ARHGAP32: variants seen among roughly 807,000 people sequenced by gnomAD.
ARHGAP32 encodes Rho GTPase activating protein 32.
A neutral mutation model predicts 186.5 loss-of-function variants in ARHGAP32; 51 were observed. The ratio of observed to expected loss-of-function variants is 0.27; its 90% confidence interval spans 0.22 to 0.35. The LOEUF (loss-of-function observed/expected upper bound fraction) is 0.35. Among genes scored for constraint, ARHGAP32 ranks in the 10% least tolerant of loss-of-function variants. The pLI is 1.00. For missense variants in ARHGAP32, 2,186 were observed against 2,623.5 expected (o/e 0.83, Z 3.64); for synonymous variants, 950 against 964.3 (o/e 0.99, Z 0.27).
chr11:129,159,755 A>G (rs1943489828), intron 2 of ARHGAP32, among the ~76,000 whole-genome samples: 1 of 152,208 alleles, frequency 6.6e-6, no homozygotes, highest in Admixed American at 6.5e-5. Context: ...AAAACCTGGC[A>G]GAGACACAAC....
chr11:129,135,854 A>G (rs1942926040), intron 2 of ARHGAP32, among the ~76,000 whole-genome samples: 2 of 152,192 alleles, frequency 1.3e-5, no homozygotes, highest in South Asian at 4.1e-4. Flanking sequence ...ACCCAAACAT[A>G]AAAGGTTAAC....
At chr11:129,265,692 A>G (rs1471411095) in intron 1 of ARHGAP32, among the ~76,000 whole-genome samples, 1 of 152,194 alleles carries the variant, frequency 6.6e-6, no homozygotes, top group African/African-American at 2.4e-5. Flanking sequence ...AGATCAGTAC[A>G]AAGTAGGCAT....
Position 129,246,175 on chromosome 11 carries a change from T to C in ARHGAP32, c.-5+32971A>G, listed in dbSNP as rs139788306. On this transcript the variant is annotated intron_variant, in intron 1 of 6. Coordinates refer to the ARHGAP32 transcript ENST00000525234. ...CAGAGTCATCTTGAGCTTGGGGAAA[T>C]TGGTTCAAAGATCAGAAACTCATTT... 1.8e-3 allele frequency among the ~76,000 whole-genome samples: 268 copies of C among 152,242 alleles called. 1 individual carries two copies. Among genetic ancestry groups the C allele is most frequent in the African/African-American group, 6.1e-3 (255 of 41,564 alleles).
At chr11:128,981,335 TGCAA>T in intron 17 of ARHGAP32, 77 bp downstream of exon 17, 1 of 1,440,726 alleles carries the variant, frequency 6.9e-7, no homozygotes, top group Admixed American at 2.3e-5. Context: ...TTTTTGTTGT[TGCAA>T]TAAGAAATGC....
intron 1 of ARHGAP32, among the ~76,000 whole-genome samples, chr11:129,210,703 T>C (rs925785704): frequency 6.6e-6 from 1 of 152,226 alleles, no homozygotes; most frequent in Admixed American, 6.5e-5. Flanking sequence ...TCAGAGATTA[T>C]GCAATTAACC....
chr11:129,002,476 T>G (rs1299891161), intron 11 of ARHGAP32, among the ~76,000 whole-genome samples: 2 of 152,216 alleles, frequency 1.3e-5, no homozygotes, highest in Admixed American at 6.5e-5. Flanking sequence ...TTTTATCAGT[T>G]CAAATAGTTT....
At chr11:129,194,749 G>A (rs377372400), upstream of ARHGAP32, among the ~76,000 whole-genome samples, 25 of 150,692 alleles carry the variant, frequency 1.7e-4, no homozygotes, top group South Asian at 2.1e-4. Flanking sequence ...GTGAAACTCC[G>A]TCTCAAAAAA....
At chr11:129,275,722 T>C (rs1055492193) in intron 1 of ARHGAP32, among the ~76,000 whole-genome samples, 1 of 152,222 alleles carries the variant, frequency 6.6e-6, no homozygotes, top group African/African-American at 2.4e-5. Flanking sequence ...ACTGTGTTCC[T>C]ACAAAACTTT....
intron 1 of ARHGAP32, among the ~76,000 whole-genome samples, chr11:129,267,968 G>A (rs1360098546): frequency 4.6e-5 from 7 of 152,052 alleles, no homozygotes; most frequent in Non-Finnish European, 1.0e-4. Context: ...CCCCACCCAC[G>A]GAAGGCATTA....
intron 2 of ARHGAP32, among the ~76,000 whole-genome samples, chr11:129,130,418 C>CA (rs1009161065): frequency 6.7e-6 from 1 of 149,812 alleles, no homozygotes; most frequent in Admixed American, 6.6e-5. Context: ...TAGCAAGAAG[C>CA]AAAAAAAACT....
chr11:129,130,444 T>G (rs12360754), intron 2 of ARHGAP32, among the ~76,000 whole-genome samples: 55,914 of 151,298 alleles, frequency 0.37, 10,683 homozygotes, highest in South Asian at 0.53. Flanking sequence ...GCAAAAAAAA[T>G]TAATACATTC....
intron 1 of ARHGAP32, among the ~76,000 whole-genome samples, chr11:129,223,471 A>C (rs952669867): frequency 1.3e-5 from 2 of 152,140 alleles, no homozygotes; most frequent in African/African-American, 4.8e-5. Flanking sequence ...GACTCTAGGG[A>C]GGGGTGGCAG....
intron 19 of ARHGAP32, among the ~76,000 whole-genome samples, chr11:128,978,407 T>A (rs545036748): frequency 6.6e-6 from 1 of 152,284 alleles, no homozygotes; most frequent in South Asian, 2.1e-4. Flanking sequence ...AACTTGAAAG[T>A]TATGTTGAAA....
At chr11:129,026,753 T>G (rs1938866816) in intron 11 of ARHGAP32, among the ~76,000 whole-genome samples, 1 of 129,330 alleles carries the variant, frequency 7.7e-6, no homozygotes, top group South Asian at 2.5e-4. Flanking sequence ...GTGAGCCAAG[T>G]AGCGCCATTG....
chr11:129,214,352 TCAA>T (rs1221575708), intron 1 of ARHGAP32, among the ~76,000 whole-genome samples: 1 of 152,180 alleles, frequency 6.6e-6, no homozygotes, highest in African/African-American at 2.4e-5. Context: ...GGATATGAGG[TCAA>T]CGAGAAGTCT....
intron 19 of ARHGAP32, 126 bp from the exon 20 acceptor site, chr11:128,976,760 T>C (rs1264850936): frequency 6.6e-6 from 5 of 756,142 alleles, no homozygotes; most frequent in Non-Finnish European, 1.2e-5. Context: ...TGACAGCAAT[T>C]TAGTACTCTA....
At chr11:129,057,161 C>T (rs1344757925) in intron 10 of ARHGAP32, among the ~76,000 whole-genome samples, 2 of 152,136 alleles carry the variant, frequency 1.3e-5, no homozygotes, top group African/African-American at 4.8e-5. Context: ...AGTGGGTCAT[C>T]GGACATCCTC....
In ARHGAP32 at chr11:129,083,982, G is replaced by A. The variant is rs74881386; in HGVS notation, c.531+9639C>T. On this transcript the variant is annotated intron_variant, in intron 6 of 22. Transcript: ENST00000682385. ...CTAACATTACATATGAATAAGGACCGTCACTACAGATCACATGGACATTAA... is the reference window on the plus strand; with the variant it reads ...CTAACATTACATATGAATAAGGACCATCACTACAGATCACATGGACATTAA... Among the ~76,000 whole-genome samples the A allele has an allele frequency of 6.1e-3, 923 of 151,796 alleles. 5 individuals are homozygous for A. Among genetic ancestry groups the A allele is most frequent in the African/African-American group, 0.02 (814 of 41,326 alleles).
chr11:129,212,661 C>T (rs1178436980), intron 1 of ARHGAP32, among the ~76,000 whole-genome samples: 1 of 152,092 alleles, frequency 6.6e-6, no homozygotes, highest in Non-Finnish European at 1.5e-5. Flanking sequence ...TAGTCTAGTA[C>T]AATTGTAATG....
Sources: gnomAD v4.1 joint callset for allele counts (sites outside exome capture counted in the v4.1 genomes callset) on GRCh38, gnomAD v4.1.1 for gene constraint, MANE v1.5 for transcripts, NCBI Gene and HGNC (gene_info 2026-07-23, HGNC 2026-07-21) for gene names.